Variants in UBAC2 observed in about 807,000 individuals in gnomAD.
UBAC2 encodes UBA domain containing 2.
UBAC2 carries 26 observed loss-of-function variants against 44.0 expected under a neutral mutation model. That is an observed-to-expected ratio of 0.59 (90% CI 0.43 to 0.82). The LOEUF is 0.82. UBAC2 is among the 40% of genes least tolerant of loss of function. UBAC2 has a pLI of 0.00. For missense variants in UBAC2, 329 were observed against 419.4 expected, an observed-to-expected ratio of 0.78 and a Z score of 1.88; for synonymous variants, 155 against 154.3, an observed-to-expected ratio of 1.00 and a Z score of -0.04.
intron 1 of UBAC2, among the ~76,000 whole-genome samples, chr13:99,228,240 G>A (rs1039234769): frequency 2.0e-5 from 3 of 152,112 alleles, no homozygotes; most frequent in African/African-American, 4.8e-5. Flanking sequence ...GGGGAAGCCC[G>A]GGGTGTTGTG....
At chr13:99,337,738 C>A (rs2044810520) in intron 6 of UBAC2, among the ~76,000 whole-genome samples, 1 of 151,752 alleles carries the variant, frequency 6.6e-6, no homozygotes, top group Non-Finnish European at 1.5e-5. Context: ...CCTTCCCAAC[C>A]CACATGGACC....
intron 6 of UBAC2, among the ~76,000 whole-genome samples, chr13:99,319,000 A>G (rs1249799447): frequency 6.6e-6 from 1 of 152,024 alleles, no homozygotes. Flanking sequence ...ATAAGGAGAG[A>G]TAGTCTGCTC....
At chr13:99,372,739 A>G (rs970933329) in intron 8 of UBAC2, 3 of 152,434 alleles carry the variant, frequency 2.0e-5, no homozygotes, top group African/African-American at 7.2e-5. Flanking sequence ...GTCAACAACA[A>G]CAGCAAAAAT....
Position 99,238,666 on chromosome 13 carries a change from A to C in UBAC2, c.159+112A>C, listed in dbSNP as rs1327649269. ...TCCCTCAAAGCCCCCAATTTGTAAGAAATATTTATTATTAATATTTCATTA... is the reference window on the plus strand; with the variant it reads ...TCCCTCAAAGCCCCCAATTTGTAAGCAATATTTATTATTAATATTTCATTA... On this transcript the variant is annotated intron_variant, in intron 2 of 8. Transcript: ENST00000403766. The C allele has an allele frequency of 5.1e-6, 5 of 971,460 alleles. No individual in the cohort carries two copies. In the African/African-American group the frequency reaches 8.4e-5, roughly 16 times the overall value. 60.2% of individuals were successfully genotyped at this position (971,460 alleles called of 1,614,324 possible).
chr13:99,286,285 G>A (rs2044018116), intron 4 of UBAC2, among the ~76,000 whole-genome samples: 1 of 152,096 alleles, frequency 6.6e-6, no homozygotes, highest in African/African-American at 2.4e-5. Flanking sequence ...AACATACCTG[G>A]ATCTGAAACA....
intron 7 of UBAC2, among the ~76,000 whole-genome samples, chr13:99,354,705 A>G (rs1041770652): frequency 2.0e-5 from 3 of 152,152 alleles, no homozygotes; most frequent in Non-Finnish European, 4.4e-5. Flanking sequence ...AGACCTGCAA[A>G]ACAGGACAGA....
intron 1 of UBAC2, among the ~76,000 whole-genome samples, chr13:99,229,732 A>G (rs2043151856): frequency 6.6e-6 from 1 of 152,230 alleles, no homozygotes; most frequent in Non-Finnish European, 1.5e-5. Flanking sequence ...GACTTTTAAA[A>G]ATCTTCGTTG....
intron 5 of UBAC2, among the ~76,000 whole-genome samples, chr13:99,315,344 C>T (rs184202014): frequency 3.2e-4 from 49 of 152,314 alleles, no homozygotes; most frequent in African/African-American, 1.2e-3. Flanking sequence ...GCACTCCAGA[C>T]CTCCCTCAGG....
chr13:99,219,990 A>G (rs2043036838), intron 1 of UBAC2, among the ~76,000 whole-genome samples: 1 of 152,144 alleles, frequency 6.6e-6, no homozygotes, highest in African/African-American at 2.4e-5. Flanking sequence ...TTTTTGTGTT[A>G]TGATAATGCT....
intron 6 of UBAC2, among the ~76,000 whole-genome samples, chr13:99,321,788 C>T (rs2044572451): frequency 6.6e-6 from 1 of 152,100 alleles, no homozygotes; most frequent in Admixed American, 6.5e-5. Context: ...ATAACTAAAT[C>T]ATTTTTCTGA....
intron 4 of UBAC2, among the ~76,000 whole-genome samples, chr13:99,287,658 T>TG (rs1279557048): frequency 6.9e-6 from 1 of 145,470 alleles, no homozygotes; most frequent in Non-Finnish European, 1.5e-5. Context: ...TTTTTTTTTT[T>TG]TTTTTTGGTA....
chr13:99,295,740 G>C lies in UBAC2; in HGVS notation c.390-18357G>C. On this transcript the variant is annotated intron_variant, in intron 4 of 8. Coordinates refer to ENST00000403766, the MANE Select transcript of UBAC2 (RefSeq NM_001144072.2). The surrounding 1 kb of genome is among the most constrained non-coding windows in gnomAD (Gnocchi z 4.1). ...CTTTTTATCTTGTTGTAGCGTAGAG[G>C]GTGCACCACAGCAATGAAGCGGTCA... 1 of 1,614,056 alleles carries C rather than the reference G, an allele frequency of 6.2e-7. No homozygotes were observed. The highest frequency in any genetic ancestry group is 1.6e-4 in the Middle Eastern group (1 of 6,062).
chr13:99,272,697 G>A (rs2043831572), intron 4 of UBAC2, among the ~76,000 whole-genome samples: 2 of 152,068 alleles, frequency 1.3e-5, no homozygotes, highest in Admixed American at 6.6e-5. Context: ...TCTTACAAGG[G>A]CACTAATCTC....
intron 1 of UBAC2, among the ~76,000 whole-genome samples, chr13:99,219,869 T>A (rs532007144): frequency 7.2e-5 from 11 of 152,248 alleles, no homozygotes; most frequent in Non-Finnish European, 1.5e-4. Context: ...TTTTTGAGGT[T>A]CATCTATGTT....
chr13:99,205,189 A>G (rs1051375947), intron 1 of UBAC2, among the ~76,000 whole-genome samples: 4 of 152,174 alleles, frequency 2.6e-5, no homozygotes, highest in African/African-American at 9.7e-5. Context: ...GGCGTGAGCC[A>G]CTGTGCCCGG....
intron 2 of UBAC2, among the ~76,000 whole-genome samples, chr13:99,242,543 C>G: frequency 7.5e-6 from 1 of 133,690 alleles, no homozygotes; most frequent in South Asian, 2.6e-4. Context: ...GGGCGGCTGT[C>G]CGGGCAGAGG....
chr13:99,329,923 C>T (rs1356736261), intron 6 of UBAC2, among the ~76,000 whole-genome samples: 6 of 152,160 alleles, frequency 3.9e-5, no homozygotes, highest in Admixed American at 2.6e-4. Flanking sequence ...ATTTGTTGCT[C>T]AGTAATCAAC....
intron 6 of UBAC2, among the ~76,000 whole-genome samples, chr13:99,329,049 G>C (rs1325629326): frequency 6.6e-6 from 1 of 152,176 alleles, no homozygotes; most frequent in Admixed American, 6.5e-5. Context: ...TCCATTACCA[G>C]TTATTGAAAA....
chr13:99,324,157 A>G (rs2044606082), intron 6 of UBAC2, among the ~76,000 whole-genome samples: 1 of 152,200 alleles, frequency 6.6e-6, no homozygotes, highest in East Asian at 1.9e-4. Context: ...AGCACTTAGT[A>G]TGTACCAGAC....
Sources: allele counts gnomAD v4.1 joint callset (sites outside exome capture counted in the v4.1 genomes callset), GRCh38; gene constraint gnomAD v4.1.1; non-coding constraint Gnocchi (gnomAD v3.1); transcripts MANE v1.5; gene names NCBI Gene and HGNC (gene_info 2026-07-23, HGNC 2026-07-21).